The following NXPH1 variants were observed in gnomAD, a reference collection of about 807,000 sequenced individuals.
NXPH1 encodes neurexophilin 1.
NXPH1 carries 5 observed loss-of-function variants against 23.7 expected under a neutral mutation model. The observed-to-expected ratio is 0.21, with a 90% CI of 0.11 to 0.44. The LOEUF (loss-of-function observed/expected upper bound fraction) is 0.44, where lower values mean the gene tolerates loss of function less well. NXPH1 is among the 20% of genes least tolerant of loss of function. NXPH1 has a pLI of 0.99. For synonymous variants in NXPH1, 144 were observed against 122.2 expected, an observed-to-expected ratio of 1.18 and a Z score of -1.18; for missense variants, 324 against 321.6, an observed-to-expected ratio of 1.01 and a Z score of -0.06.
intron 2 of NXPH1, among the ~76,000 whole-genome samples, chr7:8,540,834 G>T (rs78622981): frequency 2.0e-4 from 30 of 151,832 alleles, no homozygotes; most frequent in African/African-American, 7.2e-4. Context: ...TGGGCTGAAA[G>T]GTTCTTGTCT....
chr7:8,651,134 C>T (rs1178185121), intron 2 of NXPH1, among the ~76,000 whole-genome samples: 1 of 149,964 alleles, frequency 6.7e-6, no homozygotes, highest in Non-Finnish European at 1.5e-5. Context: ...CCCCCCACCC[C>T]ACAACAGTCC....
At chr7:8,750,486 G>T (rs1309226767) in intron 2 of NXPH1, among the ~76,000 whole-genome samples, 1 of 152,090 alleles carries the variant, frequency 6.6e-6, no homozygotes, top group African/African-American at 2.4e-5. Flanking sequence ...TGTGCTGTTT[G>T]CCTCTCTGTG....
intron 2 of NXPH1, among the ~76,000 whole-genome samples, chr7:8,494,187 G>A (rs1817298648): frequency 6.6e-6 from 1 of 151,720 alleles, no homozygotes; most frequent in South Asian, 2.1e-4. Context: ...ATTTTTCATA[G>A]TAGAGTGATT....
At chr7:8,441,967 G>A (rs1816308696) in intron 2 of NXPH1, among the ~76,000 whole-genome samples, 1 of 152,022 alleles carries the variant, frequency 6.6e-6, no homozygotes, top group Admixed American at 6.5e-5. Context: ...CTCTTGCTCC[G>A]GTGCCCTCTG....
chr7:8,449,681 T>C (rs573968581), intron 2 of NXPH1, among the ~76,000 whole-genome samples: 1 of 152,348 alleles, frequency 6.6e-6, no homozygotes, highest in South Asian at 2.1e-4. Flanking sequence ...CTTTTAATCA[T>C]TAACCCATGT....
intron 2 of NXPH1, among the ~76,000 whole-genome samples, chr7:8,681,875 C>G (rs1821054924): frequency 6.6e-6 from 1 of 152,148 alleles, no homozygotes; most frequent in Non-Finnish European, 1.5e-5. Context: ...AGAAACTTGT[C>G]CAGCCCATAT....
intron 2 of NXPH1, among the ~76,000 whole-genome samples, chr7:8,672,863 C>G (rs911067314): frequency 6.6e-6 from 1 of 152,194 alleles, no homozygotes; most frequent in African/African-American, 2.4e-5. Flanking sequence ...TTGGCCTGAG[C>G]ATCTGTTCTT....
intron 2 of NXPH1, among the ~76,000 whole-genome samples, chr7:8,578,234 C>A (rs1208567325): frequency 6.6e-6 from 1 of 152,126 alleles, no homozygotes; most frequent in Non-Finnish European, 1.5e-5. Flanking sequence ...TCCTGATAAA[C>A]CCATTGTAAG....
At chr7:8,745,266 A>G (rs1457241528) in intron 2 of NXPH1, among the ~76,000 whole-genome samples, 1 of 152,188 alleles carries the variant, frequency 6.6e-6, no homozygotes, top group African/African-American at 2.4e-5. Context: ...TGAGATATGT[A>G]TACATTGTGG....
At chr7:8,506,370 C>A (rs76813685) in intron 2 of NXPH1, among the ~76,000 whole-genome samples, 9,996 of 152,080 alleles carry the variant, frequency 0.066, 444 homozygotes, top group Middle Eastern at 0.14. Flanking sequence ...GTCTTAGTCA[C>A]CTCATTTATA....
rs146671479 is a variant in NXPH1 at position 8,468,595 on chromosome 7, C to T, written c.54+32828C>T. 8.2e-3 allele frequency among the ~76,000 whole-genome samples: 1,255 copies of T among 152,152 alleles called. 6 individuals are homozygous for T. Among genetic ancestry groups the T allele is most frequent in the Non-Finnish European group, 0.012 (843 of 67,952 alleles). On this transcript the variant is annotated intron_variant, in intron 2 of 2. Coordinates refer to ENST00000405863, the MANE Select transcript of NXPH1 (RefSeq NM_152745.3). ...CAATACTCAACCAATGATCAGGAAA[C>T]TATGGCCTGGGATTCTTTTCTGTAC...
At chr7:8,717,205 T>C (rs1359702892) in intron 2 of NXPH1, among the ~76,000 whole-genome samples, 1 of 152,170 alleles carries the variant, frequency 6.6e-6, no homozygotes. Context: ...TCTCTTGAGT[T>C]AAGTGTGTCT....
chr7:8,549,454 T>C (rs1818246539), intron 2 of NXPH1, among the ~76,000 whole-genome samples: 1 of 151,570 alleles, frequency 6.6e-6, no homozygotes, highest in African/African-American at 2.4e-5. Flanking sequence ...GTCTTTTTAA[T>C]GAAGCTTCTG....
At chr7:8,658,027 C>T (rs1215356275) in intron 2 of NXPH1, among the ~76,000 whole-genome samples, 1 of 152,092 alleles carries the variant, frequency 6.6e-6, no homozygotes, top group Non-Finnish European at 1.5e-5. Flanking sequence ...GACTCCATTT[C>T]AACAAATAAA....
At chr7:8,569,159 A>G (rs1261693635) in intron 2 of NXPH1, among the ~76,000 whole-genome samples, 30 of 151,900 alleles carry the variant, frequency 2.0e-4, no homozygotes, top group Admixed American at 1.9e-3. Flanking sequence ...AACTCTGGAC[A>G]TGGAGAGCAT....
At chr7:8,703,791 T>A (rs751544337) in intron 2 of NXPH1, among the ~76,000 whole-genome samples, 1 of 152,112 alleles carries the variant, frequency 6.6e-6, no homozygotes, top group East Asian at 1.9e-4. Context: ...ATTTTATTCC[T>A]TATTATTGCG....
Position 8,440,446 on chromosome 7 carries a change from C to T in NXPH1, c.54+4679C>T, listed in dbSNP as rs191747039. On this transcript the variant is annotated intron_variant, in intron 2 of 2. Coordinates refer to ENST00000405863, the MANE Select transcript of NXPH1 (RefSeq NM_152745.3). ...CGGAAAGCCATTAAATTCGTGGCTC[C>T]TCTGTGCGAAGTTGATTTCTATTTG... Among the ~76,000 whole-genome samples the T allele has an allele frequency of 2.7e-3, 405 of 152,282 alleles. 5 individuals are homozygous for T. The highest frequency in any genetic ancestry group is 9.8e-4 in the Non-Finnish European group (67 of 68,028).
At chr7:8,504,589 T>C (rs1817491046) in intron 2 of NXPH1, among the ~76,000 whole-genome samples, 1 of 152,038 alleles carries the variant, frequency 6.6e-6, no homozygotes, top group Non-Finnish European at 1.5e-5. Context: ...TAATAGTAAA[T>C]GAATGGAGAA....
At chr7:8,555,622 A>C (rs979081693) in intron 2 of NXPH1, among the ~76,000 whole-genome samples, 1 of 151,672 alleles carries the variant, frequency 6.6e-6, no homozygotes, top group Non-Finnish European at 1.5e-5. Flanking sequence ...CTTGGAGTAG[A>C]GCTTTGCTGA....
Sources: allele counts gnomAD v4.1 joint callset (sites outside exome capture counted in the v4.1 genomes callset), GRCh38; gene constraint gnomAD v4.1.1; transcripts MANE v1.5; gene names NCBI Gene and HGNC (gene_info 2026-07-23, HGNC 2026-07-21).